The following PIK3C2G variants were observed in gnomAD, a reference collection of about 807,000 sequenced individuals.
The protein encoded by PIK3C2G is phosphatidylinositol 3-kinase C2 domain-containing subunit gamma.
PIK3C2G carries 168 observed loss-of-function variants against 181.1 expected under a neutral mutation model. The ratio of observed to expected loss-of-function variants is 0.93; its 90% confidence interval spans 0.82 to 1.05. The LOEUF (loss-of-function observed/expected upper bound fraction) is 1.05, where lower values mean the gene tolerates loss of function less well. Among genes scored for constraint, PIK3C2G ranks in the 50% least tolerant of loss-of-function variants. PIK3C2G has a pLI of 0.00. For missense variants in PIK3C2G, 1,869 were observed against 1,732.8 expected, an observed-to-expected ratio of 1.08 and a Z score of -1.40; for synonymous variants, 573 against 592.2, an observed-to-expected ratio of 0.97 and a Z score of 0.47.
At chr12:18,286,211 C>T (rs1255751420) in intron 2 of PIK3C2G, among the ~76,000 whole-genome samples, 1 of 151,966 alleles carries the variant, frequency 6.6e-6, no homozygotes, top group African/African-American at 2.4e-5. Context: ...CACTCACTGA[C>T]CAAGCTATTC....
chr12:18,675,213 T>C, the PIK3C2G span, among the ~76,000 whole-genome samples: 2 of 152,086 alleles, frequency 1.3e-5, no homozygotes, highest in South Asian at 2.1e-4. Flanking sequence ...ATGAGTAAAC[T>C]CTCCTCCTCC....
intron 32 of PIK3C2G, 33 bp from the exon 33 acceptor site, chr12:18,647,843 G>A: frequency 7.4e-7 from 1 of 1,357,042 alleles, no homozygotes. Context: ...AAGCATTTCT[G>A]ATTTATATTT....
rs757765449 is a variant in PIK3C2G at position 18,501,237 on chromosome 12, G to A, written c.3017-2044G>A. ...AAATGGCTCACAGTTCCACATGGCT[G>A]GGGAGGCCTCAGGAAACTTATATTC... On this transcript the variant is annotated intron_variant, in intron 22 of 32. Transcript: ENST00000538779. 1.2e-3 allele frequency among the ~76,000 whole-genome samples: 190 copies of A among 152,278 alleles called. 1 individual carries two copies. Among genetic ancestry groups the A allele is most frequent in the Non-Finnish European group, 6.3e-4 (43 of 68,026 alleles).
intron 18 of PIK3C2G, among the ~76,000 whole-genome samples, chr12:18,487,052 G>A (rs1940109309): frequency 6.6e-6 from 1 of 151,224 alleles, no homozygotes; most frequent in African/African-American, 2.4e-5. Context: ...AGTATCAATA[G>A]AGAATATTTT....
At chr12:18,564,307 C>G (rs536879309) in intron 28 of PIK3C2G, among the ~76,000 whole-genome samples, 4 of 151,634 alleles carry the variant, frequency 2.6e-5, no homozygotes, top group Admixed American at 2.0e-4. Flanking sequence ...TGTGAGCTTT[C>G]CAGAAATCAT....
chr12:18,428,838 T>G (rs1230260844), intron 18 of PIK3C2G, among the ~76,000 whole-genome samples: 3 of 152,178 alleles, frequency 2.0e-5, no homozygotes, highest in Non-Finnish European at 4.4e-5. Context: ...TGGCTATAAA[T>G]GGGAACCATA....
chr12:18,488,501 C>G lies in PIK3C2G; in HGVS notation c.2557C>G (p.Leu853Val). 1 of 1,564,736 alleles carries G rather than the reference C, an allele frequency of 6.4e-7. No individual in the cohort carries two copies. The highest frequency in any genetic ancestry group is 8.7e-7 in the Non-Finnish European group (1 of 1,155,754). ...TTATTTTAAAAGCTGGTATCAGAAG[C>G]TACTAGCTGCTCTCCAATTCTGTGC... is the stretch of plus-strand genomic sequence containing the variant. ...EAYFKSWYQK[L>V]LAALQFCAGK... Residue 853 changes from leucine (L) to valine (V), a missense_variant, in exon 19 of 33, where the codon CTA (leucine) becomes GTA (valine). Physicochemically the swap from Leu to Val is conservative, Grantham distance 32. Transcript: ENST00000538779.
At chr12:18,673,556 G>T in the PIK3C2G span, among the ~76,000 whole-genome samples, 5,331 of 152,202 alleles carry the variant, frequency 0.035, 310 homozygotes, top group African/African-American at 0.12. Flanking sequence ...ACAAAGAAAA[G>T]ACCTATTCTA....
intron 1 of PIK3C2G, among the ~76,000 whole-genome samples, chr12:18,273,602 T>C (rs899784265): frequency 2.0e-5 from 3 of 152,172 alleles, no homozygotes; most frequent in South Asian, 2.1e-4. Flanking sequence ...GCTAGCCATA[T>C]GTAGAAAGCT....
At chr12:18,301,196 T>G (rs904885912) in intron 5 of PIK3C2G, among the ~76,000 whole-genome samples, 4 of 152,142 alleles carry the variant, frequency 2.6e-5, no homozygotes, top group African/African-American at 9.7e-5. Context: ...AAGACCTTTT[T>G]GGGTTGAATC....
At chr12:18,358,600 G>A in intron 11 of PIK3C2G, 1 of 453,682 alleles carries the variant, frequency 2.2e-6, no homozygotes, top group Non-Finnish European at 4.4e-6. Context: ...CAGTTAAGAA[G>A]AATGCCAGGA....
intron 31 of PIK3C2G, among the ~76,000 whole-genome samples, chr12:18,631,641 G>C (rs1249967851): frequency 1.3e-5 from 2 of 152,186 alleles, no homozygotes; most frequent in African/African-American, 4.8e-5. Context: ...TTAAAATCCA[G>C]TTATAATAAG....
intron 14 of PIK3C2G, among the ~76,000 whole-genome samples, chr12:18,382,672 TC>T (rs1467941603): frequency 6.6e-6 from 1 of 152,096 alleles, no homozygotes; most frequent in African/African-American, 2.4e-5. Flanking sequence ...TTTAGCAACA[TC>T]CCCGGCTTCT....
intron 16 of PIK3C2G, among the ~76,000 whole-genome samples, chr12:18,410,021 A>G (rs1944769192): frequency 6.6e-6 from 1 of 152,116 alleles, no homozygotes; most frequent in Non-Finnish European, 1.5e-5. Context: ...CCATGAGTGA[A>G]TCACCTCCCA....
upstream of PIK3C2G, among the ~76,000 whole-genome samples, chr12:18,261,246 T>A (rs936465016): frequency 4.6e-5 from 7 of 152,116 alleles, no homozygotes; most frequent in South Asian, 2.1e-4. Context: ...TACACATTTT[T>A]AAAAAATATA....
chr12:18,396,567 T>G (rs958219843), intron 15 of PIK3C2G, among the ~76,000 whole-genome samples: 7 of 151,828 alleles, frequency 4.6e-5, no homozygotes, highest in Non-Finnish European at 7.4e-5. Flanking sequence ...TAAAACTGAC[T>G]ATTTTTACAT....
intron 15 of PIK3C2G, among the ~76,000 whole-genome samples, chr12:18,398,157 GGTT>G (rs1944005250): frequency 6.6e-6 from 1 of 152,062 alleles, no homozygotes; most frequent in Non-Finnish European, 1.5e-5. Flanking sequence ...ATAGGAGTGT[GGTT>G]GTTATCTGGT....
intron 12 of PIK3C2G, among the ~76,000 whole-genome samples, chr12:18,365,997 A>C (rs1420108037): frequency 2.0e-5 from 3 of 152,142 alleles, no homozygotes; most frequent in Non-Finnish European, 4.4e-5. Flanking sequence ...TCAATGGTCT[A>C]AAAAACCATC....
At chr12:18,486,827 C>G (rs775208668) in intron 18 of PIK3C2G, among the ~76,000 whole-genome samples, 7 of 152,138 alleles carry the variant, frequency 4.6e-5, no homozygotes, top group Non-Finnish European at 7.4e-5. Flanking sequence ...AGAATCTGAG[C>G]AGTACACAAT....
Sources: allele counts gnomAD v4.1 joint callset (sites outside exome capture counted in the v4.1 genomes callset), GRCh38; gene constraint gnomAD v4.1.1; transcripts MANE v1.5; gene names NCBI Gene and HGNC (gene_info 2026-07-23, HGNC 2026-07-21).